Variants in SOX5 observed in about 807,000 individuals in gnomAD.
The protein encoded by SOX5 is transcription factor SOX-5.
Under a neutral mutation model 92.0 loss-of-function variants are expected in SOX5, and 9 were observed. That is an observed-to-expected ratio of 0.10 (90% CI 0.06 to 0.17). The LOEUF (loss-of-function observed/expected upper bound fraction) is 0.17, where lower values mean the gene tolerates loss of function less well. SOX5 is among the 10% of genes least tolerant of loss of function. SOX5 has a pLI of 1.00. For missense variants in SOX5, 642 were observed against 944.5 expected (o/e 0.68, Z 4.20); for synonymous variants, 344 against 336.3 (o/e 1.02, Z -0.25).
chr12:23,669,707 G>T (rs2084436119), intron 6 of SOX5, among the ~76,000 whole-genome samples: 1 of 151,892 alleles, frequency 6.6e-6, no homozygotes, highest in African/African-American at 2.4e-5. Context: ...ATGAAAAAAT[G>T]ATAAAATCAA....
At chr12:24,298,799 A>AAAAAC (rs1374379736) in intron 2 of SOX5, among the ~76,000 whole-genome samples, 2 of 123,214 alleles carry the variant, frequency 1.6e-5, no homozygotes, top group African/African-American at 2.6e-5. Flanking sequence ...AAAAAAAAAA[A>AAAAAC]ACTACATTTT....
At chr12:24,042,352 T>G (rs1178857710) in intron 4 of SOX5, among the ~76,000 whole-genome samples, 2 of 152,096 alleles carry the variant, frequency 1.3e-5, no homozygotes, top group Non-Finnish European at 2.9e-5. Flanking sequence ...ATAAAACAGG[T>G]TGCACCATAT....
rs74567020 is a variant in SOX5, at chr12:24,494,484, T to C, written c.-251+67845A>G. On this transcript the variant is annotated intron_variant, in intron 1 of 4. Transcript: ENST00000446891. ...AAACAGATAGCATAGTTTATTATTA[T>C]CATAGTTCATGGCAAAAACTAAGAT... Among the ~76,000 whole-genome samples the C allele has an allele frequency of 4.6e-3, 701 of 152,336 alleles. 1 individual carries two copies. Among genetic ancestry groups the C allele is most frequent in the Non-Finnish European group, 8.4e-3 (572 of 68,036 alleles).
At chr12:23,683,955 G>C (rs1379540446) in intron 6 of SOX5, among the ~76,000 whole-genome samples, 1 of 151,962 alleles carries the variant, frequency 6.6e-6, no homozygotes, top group African/African-American at 2.4e-5. Context: ...ATGAGACTGG[G>C]GATGGGAGAA....
chr12:23,577,353 C>G (rs1260450863), intron 9 of SOX5, among the ~76,000 whole-genome samples: 1 of 151,366 alleles, frequency 6.6e-6, no homozygotes, highest in Non-Finnish European at 1.5e-5. Context: ...GTGCACACCA[C>G]CACGTCCGGC....
intron 6 of SOX5, among the ~76,000 whole-genome samples, chr12:23,722,264 T>C (rs1352401126): frequency 3.9e-5 from 6 of 152,208 alleles, no homozygotes; most frequent in Non-Finnish European, 8.8e-5. Context: ...TACCCTTACC[T>C]GATTTTATTA....
intron 2 of SOX5, among the ~76,000 whole-genome samples, chr12:24,299,417 C>T (rs532667341): frequency 6.6e-6 from 1 of 152,164 alleles, no homozygotes; most frequent in Admixed American, 6.5e-5. Context: ...GTGAGAATCT[C>T]ATATTTTAAG....
chr12:24,029,521 C>T (rs919219975), intron 4 of SOX5, among the ~76,000 whole-genome samples: 1 of 151,864 alleles, frequency 6.6e-6, no homozygotes, highest in Non-Finnish European at 1.5e-5. Flanking sequence ...GCGATCCCCC[C>T]ACTTCAGCCT....
intron 3 of SOX5, among the ~76,000 whole-genome samples, chr12:23,785,236 C>T (rs1366476071): frequency 1.3e-5 from 2 of 152,134 alleles, no homozygotes; most frequent in Non-Finnish European, 2.9e-5. Flanking sequence ...GTTCCCCAAC[C>T]TGAGAGCTTT....
intron 1 of SOX5, among the ~76,000 whole-genome samples, chr12:24,477,258 C>G (rs980251086): frequency 6.6e-6 from 1 of 151,760 alleles, no homozygotes; most frequent in African/African-American, 2.4e-5. Flanking sequence ...CTCAGCCTCT[C>G]GAATAGCTGG....
chr12:24,028,429 A>T (rs1480643715), intron 4 of SOX5, among the ~76,000 whole-genome samples: 1 of 152,030 alleles, frequency 6.6e-6, no homozygotes, highest in African/African-American at 2.4e-5. Context: ...TCTAAAACAG[A>T]GGTTCCTTTA....
chr12:23,760,766 C>A lies in SOX5; in HGVS notation c.482-5042G>T, dbSNP rs1005130112. On this transcript the variant is annotated intron_variant, in intron 3 of 14. Coordinates refer to ENST00000451604, the MANE Select transcript of SOX5 (RefSeq NM_006940.6). The stretch of plus-strand genomic sequence containing the variant: ...GAACAATGAGACCTAGAGACTCATG[C>A]CAACATATTGTAATTCTCCAACAAG... Among the ~76,000 whole-genome samples, 5 of 152,202 alleles carry A rather than the reference C, an allele frequency of 3.3e-5. No homozygotes were observed. In the South Asian group the frequency reaches 1.0e-3, roughly 32 times the overall value.
chr12:24,369,717 G>C (rs1171052317), intron 1 of SOX5, among the ~76,000 whole-genome samples: 1 of 152,202 alleles, frequency 6.6e-6, no homozygotes, highest in Non-Finnish European at 1.5e-5. Flanking sequence ...AGCTGAGGTT[G>C]GTTTTGGGAA....
chr12:24,445,158 A>G (rs1158662689), intron 1 of SOX5, among the ~76,000 whole-genome samples: 1 of 152,212 alleles, frequency 6.6e-6, no homozygotes, highest in African/African-American at 2.4e-5. Context: ...AAGTCATTTC[A>G]AGTTAAACGA....
chr12:23,671,259 C>CAATTAAAATATTACAATT (rs1469035224), intron 6 of SOX5, among the ~76,000 whole-genome samples: 1 of 152,176 alleles, frequency 6.6e-6, no homozygotes, highest in East Asian at 1.9e-4. Context: ...TTTATATCAG[C>CAATTAAAATATTACAATT]ACAATTACAA....
intron 2 of SOX5, among the ~76,000 whole-genome samples, chr12:24,342,284 T>G (rs899333784): frequency 6.6e-6 from 1 of 152,202 alleles, no homozygotes; most frequent in South Asian, 2.1e-4. Context: ...CATTCACTCT[T>G]AGTGACCACA....
At chr12:23,697,253 T>G (rs1481353322) in intron 6 of SOX5, among the ~76,000 whole-genome samples, 14 of 152,192 alleles carry the variant, frequency 9.2e-5, no homozygotes, top group Non-Finnish European at 1.5e-4. Context: ...TACTATTAGT[T>G]ACATATGCAT....
At chr12:24,266,571 G>T in intron 3 of SOX5, among the ~76,000 whole-genome samples, 1 of 152,230 alleles carries the variant, frequency 6.6e-6, no homozygotes, top group Middle Eastern at 3.4e-3. Flanking sequence ...ATTACTTGAT[G>T]ATTTATAAAA....
At chr12:23,556,204 A>C (rs768735206) in intron 11 of SOX5, among the ~76,000 whole-genome samples, 3 of 152,186 alleles carry the variant, frequency 2.0e-5, no homozygotes, top group Non-Finnish European at 4.4e-5. Context: ...AAACCTAAGG[A>C]TCAAATGCCA....
Sources: gnomAD v4.1 joint callset for allele counts (sites outside exome capture counted in the v4.1 genomes callset) on GRCh38, gnomAD v4.1.1 for gene constraint, MANE v1.5 for transcripts, NCBI Gene and HGNC (gene_info 2026-07-23, HGNC 2026-07-21) for gene names.